The following TENM1 variants were observed in gnomAD, a reference collection of about 807,000 sequenced individuals.
TENM1 encodes the protein teneurin transmembrane protein 1.
Under a neutral mutation model 174.8 loss-of-function variants are expected in TENM1, and 35 were observed. That is an observed-to-expected ratio of 0.20 (90% CI 0.15 to 0.27). TENM1 has a LOEUF of 0.27. Ranked by LOEUF, TENM1 falls within the 10% of genes least tolerant of loss-of-function variation. TENM1 has a pLI of 1.00. For synonymous variants in TENM1, 781 were observed against 798.7 expected (o/e 0.98, Z 0.37); for missense variants, 1,633 against 2,130.1 (o/e 0.77, Z 4.59).
chrX:124,433,876 G>A (rs1177787631), intron 23 of TENM1, among the ~76,000 whole-genome samples: 1 of 111,480 alleles, frequency 9.0e-6, no homozygotes, highest in Non-Finnish European at 1.9e-5. Context: ...TAGTCAATGT[G>A]TATGTTTGAT....
chrX:124,611,398 C>T (rs1466916543), intron 11 of TENM1, among the ~76,000 whole-genome samples: 1 of 111,540 alleles, frequency 9.0e-6, no homozygotes, highest in Non-Finnish European at 1.9e-5. Context: ...AATATGTCTA[C>T]CAGAATACTT....
intron 18 of TENM1, among the ~76,000 whole-genome samples, chrX:124,504,249 C>T: frequency 8.9e-6 from 1 of 112,439 alleles, no homozygotes; most frequent in Middle Eastern, 4.6e-3. Flanking sequence ...TTTGCTGAGA[C>T]TAAGTTTGCT....
chrX:125,025,982 G>A, the TENM1 span, among the ~76,000 whole-genome samples: 1 of 111,084 alleles, frequency 9.0e-6, no homozygotes, highest in Admixed American at 9.6e-5. Flanking sequence ...AAAGATAAGT[G>A]AGTTAAATAT....
chrX:125,201,196 C>T, the TENM1 span, among the ~76,000 whole-genome samples: 3 of 112,004 alleles, frequency 2.7e-5, no homozygotes, highest in Non-Finnish European at 5.6e-5. Flanking sequence ...CAGAAAGGAT[C>T]AATGACTATG....
the TENM1 span, among the ~76,000 whole-genome samples, chrX:125,152,293 G>A: frequency 9.0e-6 from 1 of 110,606 alleles, no homozygotes; most frequent in Non-Finnish European, 1.9e-5. Flanking sequence ...AAAGAAATGT[G>A]TATGTATGTG....
At chrX:124,942,522 T>C (rs1603285958) in intron 1 of TENM1, among the ~76,000 whole-genome samples, 1 of 111,911 alleles carries the variant, frequency 8.9e-6, no homozygotes, top group South Asian at 3.7e-4. Context: ...AAGACTACAA[T>C]TAACCAAGTA....
At chrX:124,634,487 G>A (rs1011894678) in intron 11 of TENM1, among the ~76,000 whole-genome samples, 1 of 111,126 alleles carries the variant, frequency 9.0e-6, no homozygotes, top group East Asian at 2.8e-4. Flanking sequence ...ATGTGAGTGG[G>A]CTTTTCCCTT....
intron 3 of TENM1, among the ~76,000 whole-genome samples, chrX:124,801,152 G>A (rs2055437690): frequency 9.0e-6 from 1 of 111,612 alleles, no homozygotes; most frequent in African/African-American, 3.3e-5. Context: ...GAATATCCTT[G>A]TTAATTTTAT....
chrX:124,494,120 G>C (rs2047131239), intron 20 of TENM1, among the ~76,000 whole-genome samples: 1 of 111,328 alleles, frequency 9.0e-6, no homozygotes, highest in Non-Finnish European at 1.9e-5. Context: ...ATGCCCTTTG[G>C]ACTTTCACAT....
the TENM1 span, among the ~76,000 whole-genome samples, chrX:125,063,172 A>G: frequency 3.7e-4 from 41 of 112,326 alleles, no homozygotes; most frequent in African/African-American, 1.3e-3. Flanking sequence ...ATGCCAGGAT[A>G]GAACTATGAG....
chrX:124,472,482 G>C (rs2061346966), intron 22 of TENM1, among the ~76,000 whole-genome samples: 1 of 105,609 alleles, frequency 9.5e-6, no homozygotes, highest in East Asian at 2.9e-4. Context: ...CCTGAGTAGT[G>C]ACATCTATAA....
At chrX:124,564,212 C>G (rs947947182) in intron 12 of TENM1, among the ~76,000 whole-genome samples, 1 of 111,795 alleles carries the variant, frequency 8.9e-6, no homozygotes, top group Non-Finnish European at 1.9e-5. Flanking sequence ...ATTACTTAAG[C>G]TACACATCTG....
chrX:124,673,008 G>A (rs2051963155), intron 5 of TENM1, among the ~76,000 whole-genome samples: 1 of 111,656 alleles, frequency 9.0e-6, no homozygotes, highest in East Asian at 2.8e-4. Flanking sequence ...ATGAACATGT[G>A]TAACATTTGC....
In TENM1 at chrX:124,646,816, A is replaced by G; in HGVS notation, c.1580-6T>C. ...TGAACAGTCATCCATTATTTCTAGT[A>G]ATACAGAGAAAAAGATAAAAAAAAT... On this transcript the variant is annotated splice_polypyrimidine_tract_variant and splice_region_variant and intron_variant, in intron 8 of 31. Transcript: ENST00000422452. 8.9e-7 allele frequency: 1 copy of G among 1,121,604 alleles called. No individual in the cohort carries two copies. Among genetic ancestry groups the G allele is most frequent in the Non-Finnish European group, 1.2e-6 (1 of 818,102 alleles). 92.4% of individuals were successfully genotyped at this position (1,121,604 alleles called of 1,213,427 possible). A position where few individuals can be genotyped will look rare whatever the true frequency, so the allele number is the denominator to read the frequency against.
the TENM1 span, among the ~76,000 whole-genome samples, chrX:125,202,686 G>A: frequency 3.1e-5 from 3 of 96,935 alleles, no homozygotes; most frequent in African/African-American, 1.1e-4. Flanking sequence ...CGACACAGAC[G>A]TGGAAACATC....
chrX:125,161,171 A>G, the TENM1 span, among the ~76,000 whole-genome samples: 1 of 110,320 alleles, frequency 9.1e-6, no homozygotes, highest in Non-Finnish European at 1.9e-5. Flanking sequence ...TGGTTCCAGG[A>G]CTGCTTCAAA....
At chrX:125,179,005 C>T in the TENM1 span, among the ~76,000 whole-genome samples, 203 of 110,666 alleles carry the variant, frequency 1.8e-3, no homozygotes, top group African/African-American at 6.4e-3. Context: ...TTTGACTACT[C>T]CAGTTTTGCA....
At chrX:124,891,480 G>A (rs755180864) in intron 3 of TENM1, among the ~76,000 whole-genome samples, 1 of 110,132 alleles carries the variant, frequency 9.1e-6, no homozygotes, top group South Asian at 4.0e-4. Flanking sequence ...CCAACGTGGT[G>A]AAACCTTGTC....
chrX:125,059,981 A>G, the TENM1 span, among the ~76,000 whole-genome samples: 1 of 109,455 alleles, frequency 9.1e-6, no homozygotes, highest in East Asian at 2.9e-4. Context: ...TGAAGGCCTT[A>G]AAAGTATGGA....
Sources: gnomAD v4.1 joint callset for allele counts (sites outside exome capture counted in the v4.1 genomes callset) on GRCh38, gnomAD v4.1.1 for gene constraint, MANE v1.5 for transcripts, NCBI Gene and HGNC (gene_info 2026-07-23, HGNC 2026-07-21) for gene names.